ZNF618: variants seen among roughly 807,000 people sequenced by gnomAD.
ZNF618 encodes neural precursor cell expressed, developmentally down-regulated 10.
In ZNF618, 34 loss-of-function variants were observed where a neutral mutation model predicts 103.0. The observed-to-expected ratio is 0.33, with a 90% CI of 0.25 to 0.44. The LOEUF (loss-of-function observed/expected upper bound fraction) is 0.44. ZNF618 is among the 20% of genes least tolerant of loss of function. The pLI is 1.00. For missense variants in ZNF618, 1,059 were observed against 1,295.4 expected (o/e 0.82, Z 2.80); for synonymous variants, 551 against 542.2 (o/e 1.02, Z -0.23).
intron 1 of ZNF618, among the ~76,000 whole-genome samples, chr9:113,952,202 A>T (rs1038756700): frequency 6.6e-6 from 1 of 152,184 alleles, no homozygotes; most frequent in Non-Finnish European, 1.5e-5. Flanking sequence ...TCACTAAAAG[A>T]TGGTGGCCCT....
At chr9:113,968,275 C>T (rs1215832617) in intron 1 of ZNF618, among the ~76,000 whole-genome samples, 1 of 152,196 alleles carries the variant, frequency 6.6e-6, no homozygotes, top group Non-Finnish European at 1.5e-5. Flanking sequence ...AAATATAAGA[C>T]ATAGGGCGGT....
intron 1 of ZNF618, among the ~76,000 whole-genome samples, chr9:113,885,131 G>A (rs1828942613): frequency 6.6e-6 from 1 of 152,138 alleles, no homozygotes; most frequent in Non-Finnish European, 1.5e-5. Flanking sequence ...CTAGGCAGCT[G>A]GATTGGATGG....
chr9:113,975,091 TG>T (rs1564242708), intron 2 of ZNF618, among the ~76,000 whole-genome samples: 1 of 152,112 alleles, frequency 6.6e-6, no homozygotes. Flanking sequence ...GGAGATAACA[TG>T]GGGTGGCAAT....
rs370634647 is a variant in ZNF618 at position 113,901,316 on chromosome 9, A to G, written c.33+24903A>G. Among the ~76,000 whole-genome samples, 89 of 152,256 alleles carry G rather than the reference A, an allele frequency of 5.8e-4. 1 individual carries two copies. The highest frequency in any genetic ancestry group is 3.4e-3 in the Middle Eastern group (1 of 294). The stretch of plus-strand genomic sequence containing the variant: ...AGCGTCTCCAACATTTAAAACGGGC[A>G]TCTCCTTGCCCCGTCTCCTGTCTAG... On this transcript the variant is annotated intron_variant, in intron 1 of 14. Coordinates refer to ENST00000374126, the MANE Select transcript of ZNF618 (RefSeq NM_001318042.2).
intron 11 of ZNF618, among the ~76,000 whole-genome samples, chr9:114,032,241 A>C (rs1844130918): frequency 6.6e-6 from 1 of 152,200 alleles, no homozygotes; most frequent in African/African-American, 2.4e-5. Flanking sequence ...TCATCTATGC[A>C]CTTCGGTGGG....
intron 1 of ZNF618, among the ~76,000 whole-genome samples, chr9:113,966,304 A>G (rs1000150119): frequency 6.6e-6 from 1 of 152,198 alleles, no homozygotes; most frequent in African/African-American, 2.4e-5. Flanking sequence ...TGAAGATCGC[A>G]GAGCTAGAAA....
At chr9:113,881,171 T>G (rs1828482482) in intron 1 of ZNF618, among the ~76,000 whole-genome samples, 1 of 152,216 alleles carries the variant, frequency 6.6e-6, no homozygotes, top group African/African-American at 2.4e-5. Flanking sequence ...CCACTTTTAG[T>G]TTAAATTGCC....
chr9:114,001,902 A>C, intron 4 of ZNF618, 94 bp from the exon 5 acceptor site: 1 of 1,075,016 alleles, frequency 9.3e-7, no homozygotes, highest in Non-Finnish European at 1.4e-6. Flanking sequence ...CCTGGGACAG[A>C]GAGTTAGCCA....
At chr9:113,970,135 T>C (rs1347968924) in intron 2 of ZNF618, among the ~76,000 whole-genome samples, 1 of 152,186 alleles carries the variant, frequency 6.6e-6, no homozygotes, top group Admixed American at 6.5e-5. Flanking sequence ...ACTTTCCAGA[T>C]CTTTTAATAT....
intron 2 of ZNF618, among the ~76,000 whole-genome samples, chr9:113,986,210 C>A (rs979689982): frequency 6.6e-6 from 1 of 152,172 alleles, no homozygotes; most frequent in Non-Finnish European, 1.5e-5. Context: ...AACCCTGTTA[C>A]CTCCATTTTG....
intron 1 of ZNF618, among the ~76,000 whole-genome samples, chr9:113,900,062 T>A (rs1405158895): frequency 1.3e-5 from 2 of 152,150 alleles, no homozygotes; most frequent in Non-Finnish European, 2.9e-5. Flanking sequence ...TCTATTTTTA[T>A]TTTTTTATTT....
At chr9:114,044,623 C>A (rs1201264936) in intron 13 of ZNF618, among the ~76,000 whole-genome samples, 1 of 152,004 alleles carries the variant, frequency 6.6e-6, no homozygotes, top group Admixed American at 6.6e-5. Flanking sequence ...TTTGTAGATG[C>A]TGTTGGCAGT....
intron 2 of ZNF618, among the ~76,000 whole-genome samples, chr9:113,976,448 A>C (rs926613222): frequency 5.3e-5 from 8 of 152,200 alleles, no homozygotes; most frequent in Non-Finnish European, 1.0e-4. Context: ...CTGAGAAGGC[A>C]ACCCAGGAAA....
intron 1 of ZNF618, among the ~76,000 whole-genome samples, chr9:113,909,241 T>G (rs1003276745): frequency 3.3e-5 from 5 of 152,050 alleles, no homozygotes; most frequent in African/African-American, 1.2e-4. Flanking sequence ...TCGAGGCATG[T>G]CCCGGCCTGA....
chr9:113,968,432 G>A (rs1837628479), intron 1 of ZNF618, among the ~76,000 whole-genome samples: 1 of 152,174 alleles, frequency 6.6e-6, no homozygotes, highest in Non-Finnish European at 1.5e-5. Context: ...TGAAGATCTA[G>A]GTATTGTTCC....
At chr9:114,001,583 A>G (rs1002044401) in intron 4 of ZNF618, among the ~76,000 whole-genome samples, 10 of 152,242 alleles carry the variant, frequency 6.6e-5, no homozygotes, top group African/African-American at 2.4e-4. Flanking sequence ...TCTCTGTCCC[A>G]TTCCGGCAAG....
chr9:114,049,183 C>G lies in ZNF618; in HGVS notation c.1881C>G (p.Ser627=). ...GCCGGGTGAGCACGTCCGCCTTCTC[C>G]AAGGCCGGCATGTGCCTTCGCTGCT... ...TDCRVSTSAF[S]KAGMCLRCSA... Residue 627 remains serine, a synonymous_variant, in exon 15 of 15, where the codon TCC becomes TCG. Coordinates refer to ENST00000374126, the MANE Select transcript of ZNF618 (RefSeq NM_001318042.2). 6.2e-7 allele frequency: 1 copy of G among 1,613,820 alleles called. No homozygotes were observed. Among genetic ancestry groups the G allele is most frequent in the Non-Finnish European group, 8.5e-7 (1 of 1,179,896 alleles).
intron 1 of ZNF618, among the ~76,000 whole-genome samples, chr9:113,882,297 T>A (rs1337862666): frequency 6.6e-6 from 1 of 152,128 alleles, no homozygotes; most frequent in African/African-American, 2.4e-5. Flanking sequence ...TTTGTGTGAC[T>A]TCGGGAAAGT....
rs142479172 is a variant in ZNF618, at chr9:114,012,506, C to T, written c.754+3952C>T. 1.5e-3 allele frequency among the ~76,000 whole-genome samples: 235 copies of T among 152,224 alleles called. 2 individuals carry two copies. Among genetic ancestry groups the T allele is most frequent in the African/African-American group, 5.5e-3 (229 of 41,524 alleles). On this transcript the variant is annotated intron_variant, in intron 9 of 14. Coordinates refer to ENST00000374126, the MANE Select transcript of ZNF618 (RefSeq NM_001318042.2). ...ATCACATTAGGAGTTAGAGTTTCAA[C>T]ATATGAATTTGAGGATGGGGACACA... is the stretch of plus-strand genomic sequence containing the variant.
Sources: allele counts gnomAD v4.1 joint callset (sites outside exome capture counted in the v4.1 genomes callset), GRCh38; gene constraint gnomAD v4.1.1; transcripts MANE v1.5; gene names NCBI Gene and HGNC (gene_info 2026-07-23, HGNC 2026-07-21).